Variants in STAC observed in about 807,000 individuals in gnomAD.
STAC encodes SH3 and cysteine rich domain, also known as SH3 and cysteine-rich domain-containing protein.
In STAC, 43 loss-of-function variants were observed where a neutral mutation model predicts 48.8. That is an observed-to-expected ratio of 0.88 (90% confidence interval 0.69 to 1.14). The LOEUF (loss-of-function observed/expected upper bound fraction) is 1.14. STAC is among the 50% of genes most tolerant of loss of function. STAC has a pLI of 0.00. For synonymous variants in STAC, 193 were observed against 179.5 expected (o/e 1.07, Z -0.60); for missense variants, 497 against 504.0 (o/e 0.99, Z 0.13).
intron 2 of STAC, among the ~76,000 whole-genome samples, chr3:36,464,552 A>G (rs964837806): frequency 6.6e-6 from 1 of 152,078 alleles, no homozygotes; most frequent in Non-Finnish European, 1.5e-5. Context: ...TGAGCAGTGT[A>G]CACTGTACCA....
chr3:36,514,302 A>G (rs551637119), intron 8 of STAC, among the ~76,000 whole-genome samples: 16 of 131,962 alleles, frequency 1.2e-4, no homozygotes, highest in Admixed American at 5.7e-4. Flanking sequence ...TTCTCCCTCC[A>G]TCCTCCTACC....
At chr3:36,415,679 T>C (rs923859514) in intron 1 of STAC, among the ~76,000 whole-genome samples, 1 of 152,206 alleles carries the variant, frequency 6.6e-6, no homozygotes, top group African/African-American at 2.4e-5. Context: ...CAGTTGGAAA[T>C]GCAGAAATCA....
At chr3:36,471,379 C>T (rs1367159166) in intron 2 of STAC, among the ~76,000 whole-genome samples, 1 of 152,144 alleles carries the variant, frequency 6.6e-6, no homozygotes, top group East Asian at 1.9e-4. Flanking sequence ...ACAGCCAAAC[C>T]ATATCATTCC....
intron 1 of STAC, among the ~76,000 whole-genome samples, chr3:36,430,971 A>G (rs1349057570): frequency 6.6e-6 from 1 of 152,218 alleles, no homozygotes; most frequent in Non-Finnish European, 1.5e-5. Flanking sequence ...TAAGGCATCA[A>G]CATAAGAATT....
In STAC at chr3:36,477,951, T is replaced by C. The variant is rs142704335; in HGVS notation, c.389-5041T>C. ...ATCTGCTTTTTGTGACAGTAGTTCATGAGAATAGTTTAAAGGCAGATAGTA... is the reference window on the plus strand; with the variant it reads ...ATCTGCTTTTTGTGACAGTAGTTCACGAGAATAGTTTAAAGGCAGATAGTA... On this transcript the variant is annotated intron_variant, in intron 2 of 10. Coordinates refer to ENST00000273183, the MANE Select transcript of STAC (RefSeq NM_003149.3). Among the ~76,000 whole-genome samples, 93 of 152,354 alleles carry C rather than the reference T, an allele frequency of 6.1e-4. No homozygotes were observed. The East Asian group carries it at 0.014, about 23-fold the overall frequency.
In STAC at chr3:36,443,326, T is replaced by C. The variant is rs1314491227; in HGVS notation, c.112-38T>C. On this transcript the variant is annotated intron_variant, in intron 1 of 10. Coordinates refer to ENST00000273183, the MANE Select transcript of STAC (RefSeq NM_003149.3). The surrounding 1 kb of genome is among the most constrained non-coding windows in gnomAD (Gnocchi z 4.2). ...CCACAGCCTAGGTCTGCTTGATCCA[T>C]TGATCGTAAGAGAGACTGTTCTGTC... The C allele has an allele frequency of 6.2e-7, 1 of 1,611,408 alleles. No individual in the cohort carries two copies. The highest frequency in any genetic ancestry group is 8.5e-7 in the Non-Finnish European group (1 of 1,178,832).
intron 1 of STAC, among the ~76,000 whole-genome samples, chr3:36,424,257 A>C (rs542686170): frequency 6.9e-5 from 10 of 145,518 alleles, no homozygotes; most frequent in Non-Finnish European, 1.5e-4. Context: ...ATTTTCTCCG[A>C]AAAAAAAAAA....
chr3:36,461,817 T>G (rs11928506), intron 2 of STAC, among the ~76,000 whole-genome samples: 20,674 of 151,996 alleles, frequency 0.14, 1,603 homozygotes, highest in African/African-American at 0.21. Flanking sequence ...CCAGTGTGGG[T>G]CTAAAACAGA....
At position 36,399,636 on chromosome 3, in the gene STAC, AAG is replaced by A. The variant is rs544028364; in HGVS notation, c.111+18884_111+18885del. ...GGTGGCCCAGCTGCCCTGCTCTCCT[AAG>A]ACAGCCTTAGTGATCTTGTCCCCTC... On this transcript the variant is annotated intron_variant, in intron 1 of 10. Transcript: ENST00000273183. Among the ~76,000 whole-genome samples the A allele has an allele frequency of 3.9e-5, 6 of 152,298 alleles. 1 individual carries two copies. The South Asian group carries it at 1.2e-3, about 32-fold the overall frequency.
At chr3:36,407,408 G>A (rs2125631920) in intron 1 of STAC, among the ~76,000 whole-genome samples, 1 of 152,302 alleles carries the variant, frequency 6.6e-6, no homozygotes, top group African/African-American at 2.4e-5. Flanking sequence ...TAATTAATTG[G>A]TAGAAGCCAG....
intron 1 of STAC, among the ~76,000 whole-genome samples, chr3:36,432,190 T>G (rs140371502): frequency 6.6e-6 from 1 of 152,198 alleles, no homozygotes. Context: ...TTTTATTTAA[T>G]CCTCACAACA....
intron 6 of STAC, among the ~76,000 whole-genome samples, chr3:36,499,581 G>A (rs1698233047): frequency 1.3e-5 from 2 of 151,810 alleles, no homozygotes; most frequent in Admixed American, 1.3e-4. Flanking sequence ...TAGAAAATTT[G>A]GGACAAATAC....
At chr3:36,401,355 A>C (rs1699995958) in intron 1 of STAC, among the ~76,000 whole-genome samples, 1 of 152,200 alleles carries the variant, frequency 6.6e-6, no homozygotes, top group South Asian at 2.1e-4. Flanking sequence ...TGCTCAGTAA[A>C]ATGCTCATTC....
At chr3:36,396,371 C>G (rs1699857678) in intron 1 of STAC, among the ~76,000 whole-genome samples, 1 of 152,036 alleles carries the variant, frequency 6.6e-6, no homozygotes, top group East Asian at 1.9e-4. Flanking sequence ...TCACAGGATA[C>G]AAATGCAATA....
intron 1 of STAC, among the ~76,000 whole-genome samples, chr3:36,433,339 T>C (rs1444195975): frequency 3.9e-5 from 6 of 152,166 alleles, no homozygotes; most frequent in South Asian, 4.1e-4. Context: ...GACAGGTGGA[T>C]GGCCGTAATC....
intron 2 of STAC, among the ~76,000 whole-genome samples, chr3:36,464,053 C>T (rs1575217317): frequency 6.6e-6 from 1 of 152,244 alleles, no homozygotes; most frequent in East Asian, 1.9e-4. Flanking sequence ...ATTGCTGGGT[C>T]AAATGGTATT....
chr3:36,402,213 A>G (rs1054807518), intron 1 of STAC, among the ~76,000 whole-genome samples: 2 of 152,194 alleles, frequency 1.3e-5, no homozygotes, highest in African/African-American at 2.4e-5. Context: ...AAGAGTGAAT[A>G]ATGTAATGAA....
intron 1 of STAC, among the ~76,000 whole-genome samples, chr3:36,386,123 T>C (rs1340633189): frequency 6.6e-6 from 1 of 152,114 alleles, no homozygotes; most frequent in African/African-American, 2.4e-5. Flanking sequence ...TTCAATCCAC[T>C]CTTTGTGCTA....
chr3:36,397,931 G>C (rs968184277), intron 1 of STAC, among the ~76,000 whole-genome samples: 6 of 151,842 alleles, frequency 4.0e-5, no homozygotes, highest in African/African-American at 1.5e-4. Flanking sequence ...AAAAACCTAA[G>C]CTCAATTTGT....
Sources: gnomAD v4.1 joint callset for allele counts (sites outside exome capture counted in the v4.1 genomes callset) on GRCh38, gnomAD v4.1.1 for gene constraint, Gnocchi (gnomAD v3.1) non-coding constraint, MANE v1.5 for transcripts, NCBI Gene and HGNC (gene_info 2026-07-23, HGNC 2026-07-21) for gene names.